PPP4R3A: variants seen among roughly 807,000 people sequenced by gnomAD.
PPP4R3A encodes protein phosphatase 4 regulatory subunit 3A, also known as serine/threonine-protein phosphatase 4 regulatory subunit 3A.
In PPP4R3A, 15 loss-of-function variants were observed where a neutral mutation model predicts 91.7. The ratio of observed to expected loss-of-function variants is 0.16; its 90% CI spans 0.11 to 0.25. The LOEUF (loss-of-function observed/expected upper bound fraction) is 0.25, where lower values mean the gene tolerates loss of function less well. Ranked by LOEUF, PPP4R3A falls within the 10% of genes least tolerant of loss-of-function variation. The pLI is 1.00. For missense variants in PPP4R3A, 623 were observed against 998.4 expected (o/e 0.62, Z 5.07); for synonymous variants, 377 against 348.7 (o/e 1.08, Z -0.91).
chr14:91,489,966 CTA>C (rs1890138371), intron 2 of PPP4R3A, among the ~76,000 whole-genome samples: 1 of 152,192 alleles, frequency 6.6e-6, no homozygotes, highest in African/African-American at 2.4e-5. Flanking sequence ...TAACTTCTTT[CTA>C]GTATTTTAAA....
chr14:91,471,848 G>C (rs1888856876), intron 9 of PPP4R3A, among the ~76,000 whole-genome samples: 1 of 152,078 alleles, frequency 6.6e-6, no homozygotes, highest in South Asian at 2.1e-4. Flanking sequence ...CAGATCACTT[G>C]AGGCCAGGAG....
At chr14:91,509,184 T>C (rs1371049416) in intron 1 of PPP4R3A, among the ~76,000 whole-genome samples, 2 of 152,218 alleles carry the variant, frequency 1.3e-5, no homozygotes, top group East Asian at 1.9e-4. Flanking sequence ...AAGGTCACTC[T>C]AGTGCAAAAG....
rs546249997 is a variant in PPP4R3A, at chr14:91,466,857, G to A, written c.1661-1438C>T. Reference sequence around the variant, plus strand: ...TGCTAATAGACCACATTTTAAACTTGTAATAATTAAGGCAGGAGTATTACT... The same window carrying A: ...TGCTAATAGACCACATTTTAAACTTATAATAATTAAGGCAGGAGTATTACT... On this transcript the variant is annotated intron_variant, in intron 10 of 14. Transcript: ENST00000554943. 3.9e-5 allele frequency among the ~76,000 whole-genome samples: 6 copies of A among 151,962 alleles called. No individual in the cohort carries two copies. In the East Asian group the frequency reaches 7.7e-4, roughly 20 times the overall value.
intron 14 of PPP4R3A, among the ~76,000 whole-genome samples, chr14:91,460,435 GA>G (rs896115274): frequency 2.7e-5 from 4 of 146,012 alleles, no homozygotes; most frequent in Admixed American, 2.7e-4. Flanking sequence ...GCTCACGCCA[GA>G]AAAAAAAAAG....
At chr14:91,497,600 T>C (rs1890662609) in intron 1 of PPP4R3A, among the ~76,000 whole-genome samples, 2 of 152,222 alleles carry the variant, frequency 1.3e-5, no homozygotes, top group African/African-American at 4.8e-5. Flanking sequence ...CAAGTTCTAA[T>C]GTCTACTAAT....
At chr14:91,493,834 G>C (rs528007666) in intron 1 of PPP4R3A, among the ~76,000 whole-genome samples, 1 of 147,594 alleles carries the variant, frequency 6.8e-6, no homozygotes, top group African/African-American at 2.6e-5. Context: ...ATGTAATGGT[G>C]CAATCCCGGC....
rs1888566700 is a variant in PPP4R3A at position 91,467,807 on chromosome 14, A to G, written c.1661-2388T>C. ...AGCAGCAGCAAATATAAAAAAATTA[A>G]AAGCTCCCTAAATCCCCAAACTGTT... is the stretch of plus-strand genomic sequence containing the variant. On this transcript the variant is annotated intron_variant, in intron 10 of 14. Coordinates refer to ENST00000554943, the MANE Select transcript of PPP4R3A (RefSeq NM_001366432.2). Among the ~76,000 whole-genome samples the G allele has an allele frequency of 2.0e-5, 3 of 152,198 alleles. No individual in the cohort carries two copies. In the South Asian group the frequency reaches 6.2e-4, roughly 31 times the overall value.
At chr14:91,477,497 A>C (rs1726934281) in intron 4 of PPP4R3A, among the ~76,000 whole-genome samples, 2 of 152,214 alleles carry the variant, frequency 1.3e-5, no homozygotes, top group African/African-American at 2.4e-5. Flanking sequence ...AATTATTTAA[A>C]AAGCAAAATT....
intron 1 of PPP4R3A, among the ~76,000 whole-genome samples, chr14:91,491,562 C>CA (rs1403897750): frequency 1.3e-5 from 2 of 151,998 alleles, no homozygotes; most frequent in Admixed American, 6.6e-5. Context: ...CATGTGCCAC[C>CA]ACGCCCAGAT....
At chr14:91,465,568 T>G in intron 10 of PPP4R3A, 149 bp from the exon 11 acceptor site, 1 of 595,610 alleles carries the variant, frequency 1.7e-6, no homozygotes. Flanking sequence ...ACTGTGAACC[T>G]AAAGATAAGG....
intron 2 of PPP4R3A, among the ~76,000 whole-genome samples, 192 bp from the exon 3 acceptor site, chr14:91,485,922 T>C (rs1022191831): frequency 6.6e-6 from 1 of 152,224 alleles, no homozygotes; most frequent in Non-Finnish European, 1.5e-5. Flanking sequence ...ACAAAAATAA[T>C]GTTTCCTTAA....
At chr14:91,472,915 G>A (rs755035817) in intron 9 of PPP4R3A, 118 bp downstream of exon 9, 1 of 812,490 alleles carries the variant, frequency 1.2e-6, no homozygotes, top group Non-Finnish European at 2.0e-6. Flanking sequence ...TTTTTAAAAG[G>A]TGTGTCCTCC....
chr14:91,473,970 T>C (rs1889007973), intron 7 of PPP4R3A, among the ~76,000 whole-genome samples: 1 of 152,084 alleles, frequency 6.6e-6, no homozygotes, highest in Middle Eastern at 3.2e-3. Context: ...GGTTTCTCCA[T>C]GATCGTCAGG....
chr14:91,486,895 ACT>A (rs1415692748), intron 2 of PPP4R3A, among the ~76,000 whole-genome samples: 2 of 103,736 alleles, frequency 1.9e-5, no homozygotes, highest in South Asian at 3.2e-4. Flanking sequence ...CAGGAGCAAA[ACT>A]CTGTCTCCAA....
rs1887911392 is a variant in PPP4R3A at position 91,458,570 on chromosome 14, C to G, written c.*189G>C. ...AGAGCTCAAAGGCTTAAGTCTTTCCCCTAAATATATGATATCCCCTCCTCC... is the reference window on the plus strand; with the variant it reads ...AGAGCTCAAAGGCTTAAGTCTTTCCGCTAAATATATGATATCCCCTCCTCC... On this transcript the variant is annotated 3_prime_UTR_variant, in exon 15 of 15. Transcript: ENST00000554943. The G allele has an allele frequency of 1.2e-6, 1 of 812,196 alleles. No homozygotes were observed. The highest frequency in any genetic ancestry group is 1.7e-5 in the African/African-American group (1 of 59,220). The allele number at this position is 812,196 out of a possible 1,614,324, so 50.3% of individuals were successfully genotyped here.
intron 1 of PPP4R3A, among the ~76,000 whole-genome samples, chr14:91,498,983 C>T (rs1476740620): frequency 1.3e-5 from 2 of 149,252 alleles, no homozygotes; most frequent in African/African-American, 2.5e-5. Flanking sequence ...GACAGGGTTT[C>T]ACCATGTTGG....
At chr14:91,467,176 T>C (rs1304103592) in intron 10 of PPP4R3A, among the ~76,000 whole-genome samples, 2 of 152,182 alleles carry the variant, frequency 1.3e-5, no homozygotes, top group African/African-American at 4.8e-5. Flanking sequence ...CTTTGTATTA[T>C]TACCACTCAA....
At position 91,509,712 on chromosome 14, in the gene PPP4R3A, G is replaced by A. The variant is rs553507424; in HGVS notation, c.-65C>T. ...ACGCCCAGGAAAGGGGCCCTGGAGA[G>A]GCGAGGGGCGAGGCGTGAGGGCGCC... On this transcript the variant is annotated 5_prime_UTR_variant, in exon 1 of 15. Transcript: ENST00000554943. 1.5e-5 allele frequency: 22 copies of A among 1,502,046 alleles called. No individual in the cohort carries two copies. Among genetic ancestry groups the A allele is most frequent in the East Asian group, 2.6e-5 (1 of 38,224 alleles). 93.0% of individuals were successfully genotyped at this position (1,502,046 alleles called of 1,614,324 possible).
intron 1 of PPP4R3A, among the ~76,000 whole-genome samples, chr14:91,504,149 C>G (rs1018230747): frequency 1.3e-5 from 2 of 148,918 alleles, no homozygotes; most frequent in Non-Finnish European, 3.0e-5. Context: ...AGACCCACCC[C>G]CTTCCATCTC....
Sources: allele counts gnomAD v4.1 joint callset (sites outside exome capture counted in the v4.1 genomes callset), GRCh38; gene constraint gnomAD v4.1.1; transcripts MANE v1.5; gene names NCBI Gene and HGNC (gene_info 2026-07-23, HGNC 2026-07-21).